FIZ1: variants seen among roughly 807,000 people sequenced by gnomAD.
The protein encoded by FIZ1 is FLT3 interacting zinc finger 1, also known as flt3-interacting zinc finger protein 1.
FIZ1 carries 2 observed loss-of-function variants against 5.3 expected under a neutral mutation model. The ratio of observed to expected loss-of-function variants is 0.37; its 90% confidence interval spans 0.15 to 1.18. The LOEUF (loss-of-function observed/expected upper bound fraction) is 1.18. Ranked by LOEUF, FIZ1 falls within the 50% of genes most tolerant of loss-of-function variation. FIZ1 has a pLI of 0.37. For synonymous variants in FIZ1, 407 were observed against 364.2 expected (o/e 1.12, Z -1.34); for missense variants, 631 against 749.7 (o/e 0.84, Z 1.85).
At chr19:55,594,398 CA>C (rs1209856747) in intron 2 of FIZ1, among the ~76,000 whole-genome samples, 3,372 of 63,716 alleles carry the variant, frequency 0.053, 89 homozygotes, top group African/African-American at 0.14. Context: ...GACTCTGTCT[CA>C]AAAAAAAAAA....
intron 1 of FIZ1, chr19:55,598,666 T>G (rs1980457290): frequency 6.6e-6 from 1 of 152,172 alleles, no homozygotes; most frequent in South Asian, 2.1e-4. Flanking sequence ...GTTATTTGAC[T>G]TATCTAAGCC....
Position 55,593,305 on chromosome 19 carries a change from G to T in FIZ1, c.636C>A (p.Gly212=). ...CGACARRFDH[G]RELAAHWAAH... Reference sequence around the variant, plus strand: ...CCGCCCAGTGGGCCGCCAGCTCGCGGCCGTGGTCGAAGCGCCGCGCGCAGG... The same window carrying T: ...CCGCCCAGTGGGCCGCCAGCTCGCGTCCGTGGTCGAAGCGCCGCGCGCAGG... The change falls in exon 3 of 3, where the codon GGC becomes GGA. Residue 212 remains glycine, a synonymous_variant. Coordinates refer to ENST00000221665, the MANE Select transcript of FIZ1 (RefSeq NM_032836.3). This position sits in a 1 kb window ranked among gnomAD's most constrained non-coding sequence, Gnocchi z 6.3. 7.9e-7 allele frequency: 1 copy of T among 1,257,876 alleles called. No homozygotes were observed. The highest frequency in any genetic ancestry group is 1.0e-6 in the Non-Finnish European group (1 of 996,154). The allele number at this position is 1,257,876 out of a possible 1,614,324, so 77.9% of individuals were successfully genotyped here. A position where few individuals can be genotyped will look rare whatever the true frequency, so the allele number is the denominator to read the frequency against.
chr19:55,597,457 A>G (rs1980380983), intron 2 of FIZ1, 115 bp downstream of exon 2: 1 of 1,438,886 alleles, frequency 6.9e-7, no homozygotes, highest in Non-Finnish European at 9.1e-7. Flanking sequence ...TAATGGGAGG[A>G]GGCGGGCGCC....
chr19:55,593,127 CG>C lies in FIZ1; in HGVS notation c.813del (p.Glu272ArgfsTer218). 1 of 1,243,262 alleles carries C rather than the reference CG, an allele frequency of 8.0e-7. No homozygotes were observed. Among genetic ancestry groups the C allele is most frequent in the Non-Finnish European group, 1.0e-6 (1 of 989,850 alleles). The allele number at this position is 1,243,262 out of a possible 1,614,324, so 77.0% of individuals were successfully genotyped here. On this transcript the variant is annotated frameshift_variant, in exon 3 of 3. Transcript: ENST00000221665. LOFTEE classifies it low-confidence loss of function (END_TRUNC). This position sits in a 1 kb window ranked among gnomAD's most constrained non-coding sequence, Gnocchi z 6.3. ...QAWAAGPGAG[P>X]ETAGEGTAAE... ...GCAGCGGTGCCTTCGCCCGCCGTCT[CG>C]GGCCCTGCGCCTGGCCCCGCGGCCC...
chr19:55,594,490 G>T (rs1395202932), intron 2 of FIZ1, among the ~76,000 whole-genome samples: 2 of 151,038 alleles, frequency 1.3e-5, no homozygotes, highest in Non-Finnish European at 2.9e-5. Context: ...GAGGTCAGGA[G>T]ATCGAGACCA....
In FIZ1 at chr19:55,593,620, G is replaced by C; in HGVS notation, c.321C>G (p.Tyr107Ter). 1.3e-6 allele frequency: 2 copies of C among 1,551,456 alleles called. No homozygotes were observed. The highest frequency in any genetic ancestry group is 1.7e-6 in the Non-Finnish European group (2 of 1,147,004). The change falls in exon 3 of 3, where the codon TAC becomes TAG. Residue 107 changes from tyrosine to a stop codon, truncating the protein, a stop_gained. Coordinates refer to ENST00000221665, the MANE Select transcript of FIZ1 (RefSeq NM_032836.3). LOFTEE classifies it low-confidence loss of function (END_TRUNC). The surrounding 1 kb of genome is among the most constrained non-coding windows in gnomAD (Gnocchi z 6.3). ...HQVVHTGEKP[Y>*]CCLVCELRFS... ...AGCGGAGCTCGCAGACCAGGCAGCA[G>C]TAGGGTTTCTCACCAGTGTGGACGA...
At chr19:55,597,447 T>C (rs1980380212) in intron 2 of FIZ1, 125 bp downstream of exon 2, 2 of 1,434,448 alleles carry the variant, frequency 1.4e-6, no homozygotes, top group Non-Finnish European at 1.8e-6. Context: ...GGACATTTTC[T>C]AATGGGAGGA....
In FIZ1 at chr19:55,597,856, C is replaced by T; in HGVS notation, c.10G>A (p.Val4Ile). The T allele has an allele frequency of 6.3e-7, 1 of 1,590,448 alleles. No individual in the cohort carries two copies. The highest frequency in any genetic ancestry group is 8.6e-7 in the Non-Finnish European group (1 of 1,168,660). Residue 4 changes from valine (V) to isoleucine (I), a missense_variant, in exon 2 of 3, where the codon GTC becomes ATC. Around this residue, in one of 4 missense-constraint regions of FIZ1, gnomAD observed 39 missense variants for 34.3 expected, o/e 1.14. Coordinates refer to ENST00000221665, the MANE Select transcript of FIZ1 (RefSeq NM_032836.3). The part of the protein sequence containing the change: MDD[V>I]PAPTPAPAPP... Reference sequence around the variant, plus strand: ...GCTGGTGCAGGGGTTGGGGCGGGGACGTCATCCATGGTGGCGGGGAATACA... The same window carrying T: ...GCTGGTGCAGGGGTTGGGGCGGGGATGTCATCCATGGTGGCGGGGAATACA...
At chr19:55,598,224 T>C (rs1361716812) in intron 1 of FIZ1, 3 of 297,302 alleles carry the variant, frequency 1.0e-5, no homozygotes, top group African/African-American at 4.2e-5. Flanking sequence ...TCTCCCACTC[T>C]TCCTTAAGTC....
chr19:55,593,749 C>G lies in FIZ1; in HGVS notation c.295-103G>C. 3.9e-6 allele frequency: 4 copies of G among 1,019,094 alleles called. No individual in the cohort carries two copies. Among genetic ancestry groups the G allele is most frequent in the Non-Finnish European group, 5.9e-6 (4 of 675,910 alleles). The allele number at this position is 1,019,094 out of a possible 1,614,324, so 63.1% of individuals were successfully genotyped here. A position where few individuals can be genotyped will look rare whatever the true frequency, so the allele number is the denominator to read the frequency against. ...GTTGTGGCACAAGCTCTCTGTCACA[C>G]CTACAGGGCCATGATCTAGGGAAAC... On this transcript the variant is annotated intron_variant, in intron 2 of 2. Transcript: ENST00000221665. The surrounding 1 kb of genome is among the most constrained non-coding windows in gnomAD (Gnocchi z 6.3).
Position 55,598,125 on chromosome 19 carries a change from T to C in FIZ1, c.-36-224A>G, listed in dbSNP as rs987004396. On this transcript the variant is annotated intron_variant, in intron 1 of 2. Transcript: ENST00000221665. ...TCTTCCTAATCACTTCATAGTCTCC[T>C]CACTCCACGGAGTGTTTTTAAGCCT... 13 of 574,504 alleles carry C rather than the reference T, an allele frequency of 2.3e-5. No homozygotes were observed. The African/African-American group carries it at 2.4e-4, about 11-fold the overall frequency. The allele number at this position is 574,504 out of a possible 1,614,324, so 35.6% of individuals were successfully genotyped here.
intron 2 of FIZ1, among the ~76,000 whole-genome samples, chr19:55,595,901 G>C (rs1345750219): frequency 1.3e-5 from 2 of 152,192 alleles, no homozygotes; most frequent in African/African-American, 4.8e-5. Flanking sequence ...TCCATCCTCA[G>C]ATGTCTCGGC....
rs1215864456 is a variant in FIZ1, at chr19:55,598,748, T to G, written c.-37+726A>C. The G allele has an allele frequency of 2.0e-5, 3 of 152,378 alleles. No homozygotes were observed. In the East Asian group the frequency reaches 5.8e-4, roughly 29 times the overall value. 9.4% of individuals were successfully genotyped at this position (152,378 alleles called of 1,614,324 possible). ...TCCTTTAAAGAAGCCACATCCTTTC[T>G]AAGACTCTCCACTGGACTCCCGTCA... On this transcript the variant is annotated intron_variant, in intron 1 of 2. Transcript: ENST00000221665.
intron 2 of FIZ1, among the ~76,000 whole-genome samples, chr19:55,596,086 A>G (rs1980312960): frequency 6.6e-6 from 1 of 152,150 alleles, no homozygotes; most frequent in Non-Finnish European, 1.5e-5. Flanking sequence ...CAGTTGAATC[A>G]CAACCTACTG....
At position 55,593,491 on chromosome 19, in the gene FIZ1, G is replaced by A; in HGVS notation, c.450C>T (p.Pro150=). The change falls in exon 3 of 3, where the codon CCC becomes CCT. Residue 150 remains proline, a synonymous_variant. Transcript: ENST00000221665. This position sits in a 1 kb window ranked among gnomAD's most constrained non-coding sequence, Gnocchi z 6.3. ...GCCCCACATTGCAGCAGACGGAGCA[G>A]GGCGCACTCAAGGCGGGCAGGCCAG... ...PGPGLPALSA[P]CSVCCNVGPC... The A allele has an allele frequency of 1.3e-6, 2 of 1,549,280 alleles. No individual in the cohort carries two copies. Among genetic ancestry groups the A allele is most frequent in the Non-Finnish European group, 1.7e-6 (2 of 1,146,550 alleles).
At chr19:55,597,286 C>T (rs912390301) in intron 2 of FIZ1, among the ~76,000 whole-genome samples, 6 of 152,182 alleles carry the variant, frequency 3.9e-5, no homozygotes, top group Admixed American at 6.5e-5. Flanking sequence ...GATGCTGGTG[C>T]GTGCACGCGG....
Position 55,593,310 on chromosome 19 carries a change from G to T in FIZ1, c.631C>A (p.His211Asn), listed in dbSNP as rs761233202. 3 of 1,257,830 alleles carry T rather than the reference G, an allele frequency of 2.4e-6. No individual in the cohort carries two copies. The South Asian group carries it at 6.0e-5, about 25-fold the overall frequency. 77.9% of individuals were successfully genotyped at this position (1,257,830 alleles called of 1,614,324 possible). A position where few individuals can be genotyped will look rare whatever the true frequency, so the allele number is the denominator to read the frequency against. Residue 211 changes from histidine (H) to asparagine (N), a missense_variant, in exon 3 of 3, where the codon CAC (histidine) becomes AAC (asparagine). Physicochemically the swap from His to Asn is moderately conservative, Grantham distance 68. Coordinates refer to ENST00000221665, the MANE Select transcript of FIZ1 (RefSeq NM_032836.3). This position sits in a 1 kb window ranked among gnomAD's most constrained non-coding sequence, Gnocchi z 6.3. ...ACGACARRFD[H>N]GRELAAHWAA... ...CAGTGGGCCGCCAGCTCGCGGCCGT[G>T]GTCGAAGCGCCGCGCGCAGGCGCCG... is the stretch of plus-strand genomic sequence containing the variant.
Position 55,593,431 on chromosome 19 carries a change from G to GC in FIZ1, c.509dup (p.Gly171ArgfsTer213). 1 of 1,524,248 alleles carries GC rather than the reference G, an allele frequency of 6.6e-7. No homozygotes were observed. The highest frequency in any genetic ancestry group is 8.8e-7 in the Non-Finnish European group (1 of 1,138,328). 94.4% of individuals were successfully genotyped at this position (1,524,248 alleles called of 1,614,324 possible). ...CGCCTGCCCCCTCGGGGCCCTCTCC[G>GC]CCGCCGGCCCCTGAGCCCCCGCACA... On this transcript the variant is annotated frameshift_variant, in exon 3 of 3. Coordinates refer to ENST00000221665, the MANE Select transcript of FIZ1 (RefSeq NM_032836.3). LOFTEE classifies it low-confidence loss of function (END_TRUNC). The surrounding 1 kb of genome is among the most constrained non-coding windows in gnomAD (Gnocchi z 6.3).
rs1387937004 is a variant in FIZ1 at position 55,597,864 on chromosome 19, ATGG to A, written c.-2_1del. 6 of 1,581,900 alleles carry A rather than the reference ATGG, an allele frequency of 3.8e-6. No individual in the cohort carries two copies. Among genetic ancestry groups the A allele is most frequent in the Non-Finnish European group, 5.2e-6 (6 of 1,164,244 alleles). On this transcript the variant is annotated start_lost and start_retained_variant and 5_prime_UTR_variant, in exon 2 of 3. Transcript: ENST00000221665. ...AGGGGTTGGGGCGGGGACGTCATCCATGGTGGCGGGGAATACAGTGGTATGTGG... is the reference window on the plus strand; with the variant it reads ...AGGGGTTGGGGCGGGGACGTCATCCATGGCGGGGAATACAGTGGTATGTGG...
Sources: allele counts gnomAD v4.1 joint callset (sites outside exome capture counted in the v4.1 genomes callset), GRCh38; gene constraint gnomAD v4.1.1; regional missense constraint gnomAD v4.1.1; non-coding constraint Gnocchi (gnomAD v3.1); transcripts MANE v1.5; gene names NCBI Gene and HGNC (gene_info 2026-07-23, HGNC 2026-07-21).